GRIK4: variants seen among roughly 807,000 people sequenced by gnomAD.
GRIK4 encodes glutamate receptor ionotropic, kainate 4.
Under a neutral mutation model 104.9 loss-of-function variants are expected in GRIK4, and 40 were observed. The ratio of observed to expected loss-of-function variants is 0.38; its 90% confidence interval spans 0.30 to 0.50. The LOEUF (loss-of-function observed/expected upper bound fraction) is 0.50, where lower values mean the gene tolerates loss of function less well. GRIK4 is among the 20% of genes least tolerant of loss of function. The probability of loss-of-function intolerance (pLI) is 0.93; values close to 1 mark genes in which losing one functional copy is unlikely to be tolerated. For missense variants in GRIK4, 1,047 were observed against 1,308.1 expected (o/e 0.80, Z 3.08); for synonymous variants, 485 against 524.9 (o/e 0.92, Z 1.04).
At chr11:120,844,299 G>A (rs186290931) in intron 8 of GRIK4, among the ~76,000 whole-genome samples, 2 of 152,154 alleles carry the variant, frequency 1.3e-5, no homozygotes, top group East Asian at 1.9e-4. Flanking sequence ...CTGACACCCC[G>A]CAAGGTTGAG....
intron 13 of GRIK4, among the ~76,000 whole-genome samples, chr11:120,913,966 A>C (rs1453233523): frequency 6.6e-6 from 1 of 152,230 alleles, no homozygotes; most frequent in Non-Finnish European, 1.5e-5. Flanking sequence ...GCATTCTTTA[A>C]AATAAAGATA....
intron 6 of GRIK4, among the ~76,000 whole-genome samples, chr11:120,827,859 G>A (rs1953308538): frequency 6.6e-6 from 1 of 152,192 alleles, no homozygotes. Context: ...CAGTGATGGG[G>A]AACTCACTAC....
chr11:120,740,927 T>C (rs1448935803), intron 3 of GRIK4, among the ~76,000 whole-genome samples: 1 of 152,184 alleles, frequency 6.6e-6, no homozygotes, highest in African/African-American at 2.4e-5. Flanking sequence ...GATCTGAGAC[T>C]GCACTGAGTG....
rs1200591902 is a variant in GRIK4 at position 120,579,229 on chromosome 11, C to G, written c.-159+67342C>G. ...GTGACAGCACACGACAAAATAACCC[C>G]CCCCCCTTTTTTTGGATGGATGAGG... On this transcript the variant is annotated intron_variant, in intron 1 of 20. Transcript: ENST00000527524. Among the ~76,000 whole-genome samples the G allele has an allele frequency of 4.6e-5, 7 of 152,044 alleles. No homozygotes were observed. The South Asian group carries it at 1.5e-3, about 32-fold the overall frequency.
intron 12 of GRIK4, among the ~76,000 whole-genome samples, chr11:120,900,041 T>G (rs1166095132): frequency 1.3e-5 from 2 of 152,098 alleles, no homozygotes; most frequent in Non-Finnish European, 2.9e-5. Context: ...CAGAAAGAGA[T>G]AAAAGCTGGA....
chr11:120,605,185 C>T (rs1437695421), intron 1 of GRIK4, among the ~76,000 whole-genome samples: 3 of 152,168 alleles, frequency 2.0e-5, no homozygotes, highest in Admixed American at 6.5e-5. Flanking sequence ...GATGACTGGC[C>T]AAGTTAGGGA....
chr11:120,732,459 T>G (rs1179632360), intron 3 of GRIK4, among the ~76,000 whole-genome samples: 1 of 152,184 alleles, frequency 6.6e-6, no homozygotes, highest in African/African-American at 2.4e-5. Flanking sequence ...GGATGCATCA[T>G]TAGGTTATTT....
intron 11 of GRIK4, among the ~76,000 whole-genome samples, chr11:120,892,298 A>T (rs1482785764): frequency 6.6e-6 from 1 of 152,188 alleles, no homozygotes; most frequent in Non-Finnish European, 1.5e-5. Flanking sequence ...AGGCCATAGT[A>T]AGAGTTTTGG....
At chr11:120,565,264 G>A (rs1948306269) in intron 1 of GRIK4, among the ~76,000 whole-genome samples, 1 of 152,202 alleles carries the variant, frequency 6.6e-6, no homozygotes, top group African/African-American at 2.4e-5. Context: ...ATGTCATGGA[G>A]GAGCCGGCGA....
At chr11:120,523,015 G>C (rs921893055) in intron 1 of GRIK4, among the ~76,000 whole-genome samples, 3 of 151,764 alleles carry the variant, frequency 2.0e-5, no homozygotes, top group Non-Finnish European at 4.4e-5. Context: ...CCAGATTGGT[G>C]GTGGGGTCCT....
At position 120,856,075 on chromosome 11, in the gene GRIK4, C is replaced by A. The variant is rs1298919621; in HGVS notation, c.745-5884C>A. The stretch of plus-strand genomic sequence containing the variant: ...CACCGGCAGCACGGAGGATGGATTG[C>A]ACTTGGACAGAAGAGGACTCCCAGG... On this transcript the variant is annotated intron_variant, in intron 8 of 20. Transcript: ENST00000527524. Among the ~76,000 whole-genome samples, 3 of 152,334 alleles carry A rather than the reference C, an allele frequency of 2.0e-5. No individual in the cohort carries two copies. The East Asian group carries it at 5.8e-4, about 29-fold the overall frequency.
chr11:120,840,570 C>T (rs1261808595), intron 8 of GRIK4, among the ~76,000 whole-genome samples: 5 of 152,100 alleles, frequency 3.3e-5, no homozygotes, highest in East Asian at 1.9e-4. Context: ...AGGTCGGGCA[C>T]GCAGAGAGCA....
intron 8 of GRIK4, among the ~76,000 whole-genome samples, chr11:120,850,140 T>C (rs988644067): frequency 3.3e-5 from 5 of 152,210 alleles, no homozygotes; most frequent in African/African-American, 1.2e-4. Flanking sequence ...TCTTAGTTCA[T>C]ATCTCCTTGG....
chr11:120,854,912 A>G (rs961734109), intron 8 of GRIK4, among the ~76,000 whole-genome samples: 3 of 152,236 alleles, frequency 2.0e-5, no homozygotes, highest in Non-Finnish European at 4.4e-5. Flanking sequence ...CATCTAGGTC[A>G]AAATACCCAA....
intron 1 of GRIK4, among the ~76,000 whole-genome samples, chr11:120,573,920 A>G (rs1948439199): frequency 6.6e-6 from 1 of 152,198 alleles, no homozygotes; most frequent in South Asian, 2.1e-4. Flanking sequence ...GGCTGATGGC[A>G]GGGCCTTCGG....
intron 1 of GRIK4, among the ~76,000 whole-genome samples, chr11:120,571,004 A>G (rs1428843925): frequency 6.6e-6 from 1 of 151,958 alleles, no homozygotes; most frequent in Non-Finnish European, 1.5e-5. Context: ...TCTCAGAATG[A>G]TTTTCCACAA....
chr11:120,929,015 G>A, intron 13 of GRIK4, among the ~76,000 whole-genome samples: 1 of 121,968 alleles, frequency 8.2e-6, no homozygotes, highest in East Asian at 3.6e-4. Flanking sequence ...GTATGTGTGT[G>A]TGCGCACATG....
At chr11:120,744,064 C>A (rs1237635444) in intron 3 of GRIK4, among the ~76,000 whole-genome samples, 2 of 152,192 alleles carry the variant, frequency 1.3e-5, no homozygotes, top group Non-Finnish European at 2.9e-5. Flanking sequence ...GAGCTAAGTC[C>A]TGTATAATTC....
At position 120,953,100 on chromosome 11, in the gene GRIK4, GAGA is replaced by G. The variant is rs1944047538; in HGVS notation, c.1700+139_1700+141del. On this transcript the variant is annotated intron_variant, in intron 15 of 20. Transcript: ENST00000527524. This position sits in a 1 kb window ranked among gnomAD's most constrained non-coding sequence, Gnocchi z 4.9. Reference sequence around the variant, plus strand: ...TCTTGGTGCCAAACTAGAAGGACAGGAGAAGGACTGGGGGCCTGAAATGCTCTC... The same window carrying G: ...TCTTGGTGCCAAACTAGAAGGACAGGAGGACTGGGGGCCTGAAATGCTCTC... 3.1e-6 allele frequency: 2 copies of G among 636,082 alleles called. No individual in the cohort carries two copies. Among genetic ancestry groups the G allele is most frequent in the Non-Finnish European group, 2.8e-6 (1 of 359,282 alleles). The allele number at this position is 636,082 out of a possible 1,614,324, so 39.4% of individuals were successfully genotyped here.
Sources: gnomAD v4.1 joint callset for allele counts (sites outside exome capture counted in the v4.1 genomes callset) on GRCh38, gnomAD v4.1.1 for gene constraint, Gnocchi (gnomAD v3.1) non-coding constraint, MANE v1.5 for transcripts, NCBI Gene and HGNC (gene_info 2026-07-23, HGNC 2026-07-21) for gene names.